Variants in C14orf180 observed in about 807,000 individuals in gnomAD.
The protein encoded by C14orf180 is nutritionally-regulated adipose and cardiac enriched protein homolog.
C14orf180 carries 13 observed loss-of-function variants against 13.9 expected under a neutral mutation model. The ratio of observed to expected loss-of-function variants is 0.94; its 90% CI spans 0.61 to 1.49. C14orf180 has a LOEUF of 1.49. Ranked by LOEUF, C14orf180 falls within the 40% of genes most tolerant of loss-of-function variation. The pLI is 0.00. For missense variants in C14orf180, 238 were observed against 232.0 expected, an observed-to-expected ratio of 1.03 and a Z score of -0.17; for synonymous variants, 113 against 106.3, an observed-to-expected ratio of 1.06 and a Z score of -0.39.
rs1886772807 is a variant in C14orf180, at chr14:104,589,493, C to T, written c.*710C>T. 6.5e-6 allele frequency: 1 copy of T among 152,742 alleles called. No individual in the cohort carries two copies. Among genetic ancestry groups the T allele is most frequent in the South Asian group, 2.1e-4 (1 of 4,828 alleles). The allele number at this position is 152,742 out of a possible 1,614,324, so 9.5% of individuals were successfully genotyped here. A position where few individuals can be genotyped will look rare whatever the true frequency, so the allele number is the denominator to read the frequency against. The stretch of plus-strand genomic sequence containing the variant: ...CCCAGCTCTGCAGGCCAGGCACACC[C>T]AGCTGAGCCCGGGGCCAGCCAGCAC... On this transcript the variant is annotated 3_prime_UTR_variant, in exon 5 of 5. Transcript: ENST00000557649. The surrounding 1 kb of genome is among the most constrained non-coding windows in gnomAD (Gnocchi z 4.9).
chr14:104,582,498 C>A (rs2140456549), intron 1 of C14orf180, among the ~76,000 whole-genome samples: 1 of 152,290 alleles, frequency 6.6e-6, no homozygotes. Context: ...TGGGCCTCAG[C>A]CCTCATGGCC....
intron 2 of C14orf180, among the ~76,000 whole-genome samples, chr14:104,587,430 G>A (rs1307115598): frequency 1.3e-5 from 2 of 152,182 alleles, no homozygotes; most frequent in Non-Finnish European, 2.9e-5. Flanking sequence ...CTGTCCACAT[G>A]TCCTGGGGAC....
Position 104,588,843 on chromosome 14 carries a change from C to G in C14orf180, c.*60C>G. The G allele has an allele frequency of 6.6e-7, 1 of 1,518,402 alleles. No individual in the cohort carries two copies. Among genetic ancestry groups the G allele is most frequent in the Non-Finnish European group, 8.8e-7 (1 of 1,135,874 alleles). 94.1% of individuals were successfully genotyped at this position (1,518,402 alleles called of 1,614,324 possible). On this transcript the variant is annotated 3_prime_UTR_variant, in exon 5 of 5. Coordinates refer to ENST00000557649, the MANE Select transcript of C14orf180 (RefSeq NM_001008404.3). Reference sequence around the variant, plus strand: ...GAGAGCTCAAGCACTCCGGGGGCTCCGAGACAGCCTGAGCCCTGGCCCTGC... The same window carrying G: ...GAGAGCTCAAGCACTCCGGGGGCTCGGAGACAGCCTGAGCCCTGGCCCTGC...
At chr14:104,587,331 C>A (rs546040533) in intron 2 of C14orf180, among the ~76,000 whole-genome samples, 36 of 152,234 alleles carry the variant, frequency 2.4e-4, no homozygotes, top group African/African-American at 8.2e-4. Context: ...ACCAGCCCTC[C>A]TCACGGCCCT....
intron 3 of C14orf180, 114 bp downstream of exon 3, chr14:104,587,992 TG>T (rs1886694141): frequency 7.5e-7 from 1 of 1,339,538 alleles, no homozygotes; most frequent in Admixed American, 2.6e-5. Context: ...GGGGGGGCCG[TG>T]GCCACCTGCC....
chr14:104,588,643 G>C lies in C14orf180; in HGVS notation c.343G>C (p.Val115Leu). ...LLQLCVCVLL[V>L]LALGLYCGRA... is the part of the protein sequence containing the mutation. ...GCAGCTGTGTGTGTGCGTCCTGCTC[G>C]TGCTGGCCCTGGGCCTATACTGCGG... is the stretch of plus-strand genomic sequence containing the variant. Residue 115 changes from valine to leucine, a missense_variant, in exon 5 of 5, where the codon GTG (valine) becomes CTG (leucine). Coordinates refer to ENST00000557649, the MANE Select transcript of C14orf180 (RefSeq NM_001008404.3). 6.6e-7 allele frequency: 1 copy of C among 1,523,076 alleles called. No homozygotes were observed. Among genetic ancestry groups the C allele is most frequent in the South Asian group, 1.2e-5 (1 of 83,006 alleles). 94.3% of individuals were successfully genotyped at this position (1,523,076 alleles called of 1,614,324 possible). A position where few individuals can be genotyped will look rare whatever the true frequency, so the allele number is the denominator to read the frequency against.
chr14:104,581,847 A>AGGCCCCGGGACCCTCTGCCCC (rs1886448066), intron 1 of C14orf180, among the ~76,000 whole-genome samples: 1 of 152,114 alleles, frequency 6.6e-6, no homozygotes, highest in African/African-American at 2.4e-5. Context: ...GCACTCGCTC[A>AGGCCCCGGGACCCTCTGCCCC]GGCCCCGGGA....
Position 104,588,899 on chromosome 14 carries a change from C to A in C14orf180, c.*116C>A. 3 of 1,468,404 alleles carry A rather than the reference C, an allele frequency of 2.0e-6. No individual in the cohort carries two copies. Among genetic ancestry groups the A allele is most frequent in the African/African-American group, 1.4e-5 (1 of 71,016 alleles). 91.0% of individuals were successfully genotyped at this position (1,468,404 alleles called of 1,614,324 possible). On this transcript the variant is annotated 3_prime_UTR_variant, in exon 5 of 5. Coordinates refer to ENST00000557649, the MANE Select transcript of C14orf180 (RefSeq NM_001008404.3). ...GGTGAATCATGGGGGCCAAAAGGGG[C>A]TGCTGCCTGAGGGCTAACTAGGAAA...
In C14orf180 at chr14:104,583,616, C is replaced by A. The variant is rs116665493; in HGVS notation, c.-16-2799C>A. Among the ~76,000 whole-genome samples, 55 of 152,126 alleles carry A rather than the reference C, an allele frequency of 3.6e-4. 1 individual carries two copies. Among genetic ancestry groups the A allele is most frequent in the Non-Finnish European group, 7.4e-5 (5 of 68,016 alleles). ...ACCTGAAGAGGGGGAGGTGCTGTCC[C>A]GTAGGAAGTCCTGACTGTCCACATT... On this transcript the variant is annotated intron_variant, in intron 1 of 4. Coordinates refer to ENST00000557649, the MANE Select transcript of C14orf180 (RefSeq NM_001008404.3).
At chr14:104,584,067 C>T (rs901533681) in intron 1 of C14orf180, among the ~76,000 whole-genome samples, 1 of 152,238 alleles carries the variant, frequency 6.6e-6, no homozygotes, top group South Asian at 2.1e-4. Flanking sequence ...TTCCCACCAT[C>T]CCTTGGACAG....
At position 104,590,446 on chromosome 14, in the gene C14orf180, C is replaced by T. The variant is rs1484194333; in HGVS notation, c.*1663C>T. 1 of 152,322 alleles carries T rather than the reference C, an allele frequency of 6.6e-6. No homozygotes were observed. The highest frequency in any genetic ancestry group is 2.4e-5 in the African/African-American group (1 of 41,480). The allele number at this position is 152,322 out of a possible 1,614,324, so 9.4% of individuals were successfully genotyped here. ...TCCCCCAGCCGCTGCTGTCTGTCCA[C>T]TGCAAAGGCAACGCAAGGACGTGCC... is the stretch of plus-strand genomic sequence containing the variant. On this transcript the variant is annotated 3_prime_UTR_variant, in exon 5 of 5. Transcript: ENST00000557649.
chr14:104,583,250 A>T (rs1457811266), intron 1 of C14orf180, among the ~76,000 whole-genome samples: 2 of 152,156 alleles, frequency 1.3e-5, no homozygotes. Context: ...CTGGGAGCAG[A>T]GCGTGGCCCA....
chr14:104,589,280 G>C lies in C14orf180; in HGVS notation c.*497G>C, dbSNP rs1886763415. ...AAACCCCACGGGGAGGGAAGGGTCT[G>C]GTTGTCAAGGTGGGTCCCTTTGATG... On this transcript the variant is annotated 3_prime_UTR_variant, in exon 5 of 5. Transcript: ENST00000557649. This position sits in a 1 kb window ranked among gnomAD's most constrained non-coding sequence, Gnocchi z 4.9. 5.5e-6 allele frequency: 1 copy of C among 182,522 alleles called. No individual in the cohort carries two copies. Among genetic ancestry groups the C allele is most frequent in the African/African-American group, 2.3e-5 (1 of 42,554 alleles). The allele number at this position is 182,522 out of a possible 1,614,324, so 11.3% of individuals were successfully genotyped here. A position where few individuals can be genotyped will look rare whatever the true frequency, so the allele number is the denominator to read the frequency against.
intron 1 of C14orf180, among the ~76,000 whole-genome samples, chr14:104,583,491 C>T (rs975567598): frequency 7.9e-5 from 12 of 152,218 alleles, no homozygotes; most frequent in Non-Finnish European, 2.9e-5. Context: ...GGCTGCTGCT[C>T]TCCTCACCCC....
Position 104,588,770 on chromosome 14 carries a change from T to C in C14orf180, c.470T>C (p.Leu157Pro). The C allele has an allele frequency of 6.6e-7, 1 of 1,522,834 alleles. No homozygotes were observed. The highest frequency in any genetic ancestry group is 8.7e-7 in the Non-Finnish European group (1 of 1,144,460). 94.3% of individuals were successfully genotyped at this position (1,522,834 alleles called of 1,614,324 possible). A position where few individuals can be genotyped will look rare whatever the true frequency, so the allele number is the denominator to read the frequency against. ...RHVALTCWRG[L>P]LRL is the part of the protein sequence containing the mutation. ...GTGGCCCTCACCTGCTGGCGCGGCC[T>C]CCTGCGGCTCTGACGGGCAGGACGG... The change falls in exon 5 of 5, where the codon CTC becomes CCC. Residue 157 changes from leucine (L) to proline (P), a missense_variant. Leu to Pro is a moderately conservative substitution (Grantham distance 98). Coordinates refer to ENST00000557649, the MANE Select transcript of C14orf180 (RefSeq NM_001008404.3).
At position 104,588,306 on chromosome 14, in the gene C14orf180, A is replaced by G. The variant is rs374995646; in HGVS notation, c.274A>G (p.Arg92Gly). The G allele has an allele frequency of 4.3e-5, 70 of 1,613,736 alleles. No homozygotes were observed. Among genetic ancestry groups the G allele is most frequent in the Non-Finnish European group, 5.8e-5 (69 of 1,179,882 alleles). ...TGACAAGAACGCCACAGCCACTGTC[A>G]GGGGTGAGTTCTGAGCCCACATCCC... ...IADKNATATV[R>G]VPGRPRPHGG... Residue 92 changes from arginine (R) to glycine (G), a missense_variant, in exon 4 of 5, where the codon AGG (arginine) becomes GGG (glycine). Transcript: ENST00000557649.
At chr14:104,586,135 G>A (rs1394992988) in intron 1 of C14orf180, among the ~76,000 whole-genome samples, 2 of 152,180 alleles carry the variant, frequency 1.3e-5, no homozygotes, top group African/African-American at 2.4e-5. Context: ...ACGGGACCTC[G>A]GCCCAGTGGA....
chr14:104,586,439 T>C lies in C14orf180; in HGVS notation c.9T>C (p.Thr3=), dbSNP rs755127964. 3 of 1,533,944 alleles carry C rather than the reference T, an allele frequency of 2.0e-6. No homozygotes were observed. Among genetic ancestry groups the C allele is most frequent in the Non-Finnish European group, 2.6e-6 (3 of 1,138,638 alleles). MR[T]AAGAVSPDSR... is the part of the protein sequence containing the mutation. The stretch of plus-strand genomic sequence containing the variant: ...GGACCATGTTCCAGTAAATGAGGAC[T>C]GCAGCAGGAGCCGTGAGCCCTGACT... Residue 3 remains threonine, a synonymous_variant, in exon 2 of 5, where the codon ACT becomes ACC. Transcript: ENST00000557649.
intron 1 of C14orf180, among the ~76,000 whole-genome samples, chr14:104,586,059 A>G (rs1247634148): frequency 1.3e-5 from 2 of 152,258 alleles, no homozygotes; most frequent in Admixed American, 1.3e-4. Context: ...ACCTCCAAAC[A>G]TTGCAAATGA....
Sources: allele counts gnomAD v4.1 joint callset (sites outside exome capture counted in the v4.1 genomes callset), GRCh38; gene constraint gnomAD v4.1.1; non-coding constraint Gnocchi (gnomAD v3.1); transcripts MANE v1.5; gene names NCBI Gene and HGNC (gene_info 2026-07-23, HGNC 2026-07-21).